ERCC6: variants seen among roughly 807,000 people sequenced by gnomAD.
ERCC6 encodes the protein ERCC excision repair 6, chromatin remodeling factor.
ERCC6 carries 116 observed loss-of-function variants against 158.7 expected under a neutral mutation model. The ratio of observed to expected loss-of-function variants is 0.73; its 90% CI spans 0.63 to 0.85. The LOEUF is 0.85. Ranked by LOEUF, ERCC6 falls within the 40% of genes least tolerant of loss-of-function variation. The probability of loss-of-function intolerance (pLI) is 0.00; values close to 1 mark genes in which losing one functional copy is unlikely to be tolerated. For missense variants in ERCC6, 1,698 were observed against 1,799.4 expected (o/e 0.94, Z 1.02); for synonymous variants, 678 against 659.3 (o/e 1.03, Z -0.43).
At chr10:49,475,507 C>T (rs1850861602) in intron 12 of ERCC6, 1 of 393,170 alleles carries the variant, frequency 2.5e-6, no homozygotes. Flanking sequence ...CTGTAGCAAC[C>T]AATAAGAAAT....
At chr10:49,444,314 C>T in the ERCC6 span, among the ~76,000 whole-genome samples, 85 of 152,268 alleles carry the variant, frequency 5.6e-4, no homozygotes, top group African/African-American at 1.9e-3. Context: ...CTCTCCACAG[C>T]GCTGGAGGCA....
chr10:49,499,672 C>T (rs1289817941), intron 7 of ERCC6, among the ~76,000 whole-genome samples: 1 of 152,138 alleles, frequency 6.6e-6, no homozygotes, highest in Non-Finnish European at 1.5e-5. Context: ...AATTTACCGA[C>T]CAATATTTTT....
At chr10:49,527,913 T>C (rs1296105078) in intron 4 of ERCC6, among the ~76,000 whole-genome samples, 2 of 152,148 alleles carry the variant, frequency 1.3e-5, no homozygotes, top group Non-Finnish European at 2.9e-5. Context: ...GCTTACGAAT[T>C]TTCCCAAAAA....
intron 7 of ERCC6, among the ~76,000 whole-genome samples, chr10:49,497,269 C>A (rs1010933133): frequency 2.6e-5 from 4 of 152,252 alleles, no homozygotes; most frequent in Non-Finnish European, 4.4e-5. Context: ...TTCTTTCTAT[C>A]CTCCAAGGGG....
chr10:49,483,849 T>G (rs1242774858), intron 8 of ERCC6, among the ~76,000 whole-genome samples: 1 of 151,808 alleles, frequency 6.6e-6, no homozygotes, highest in Non-Finnish European at 1.5e-5. Flanking sequence ...GGATGGAAAA[T>G]ATATTAATTT....
chr10:49,510,953 T>C (rs1851522649), intron 5 of ERCC6, among the ~76,000 whole-genome samples: 2 of 150,678 alleles, frequency 1.3e-5, no homozygotes, highest in South Asian at 4.2e-4. Context: ...TACAAAAAAA[T>C]GACCCATAAT....
chr10:49,469,374 C>CA (rs993235446), intron 18 of ERCC6, among the ~76,000 whole-genome samples: 29 of 146,396 alleles, frequency 2.0e-4, no homozygotes, highest in African/African-American at 4.8e-4. Context: ...GCATTCCTAC[C>CA]AAAAAAAAAA....
At chr10:49,506,051 T>C in intron 5 of ERCC6, 39 bp from the exon 6 acceptor site, 1 of 1,609,628 alleles carries the variant, frequency 6.2e-7, no homozygotes, top group South Asian at 1.1e-5. Flanking sequence ...ATTATTTTGA[T>C]CACAAGACAG....
intron 5 of ERCC6, among the ~76,000 whole-genome samples, chr10:49,522,196 C>T (rs913580372): frequency 2.6e-5 from 4 of 152,186 alleles, no homozygotes; most frequent in African/African-American, 9.7e-5. Context: ...AAAGGTCTTT[C>T]TGTTTCTCAA....
At chr10:49,462,770 G>C (rs906540288) in intron 18 of ERCC6, among the ~76,000 whole-genome samples, 3 of 152,274 alleles carry the variant, frequency 2.0e-5, no homozygotes, top group African/African-American at 7.2e-5. Flanking sequence ...TAAAACTTAA[G>C]ATATCCTTTC....
Position 49,470,195 on chromosome 10 carries a change from A to T in ERCC6, c.3765T>A (p.Leu1255=), listed in dbSNP as rs748229311. The T allele has an allele frequency of 8.7e-6, 14 of 1,614,154 alleles. No individual in the cohort carries two copies. Among genetic ancestry groups the T allele is most frequent in the Non-Finnish European group, 1.1e-5 (13 of 1,180,024 alleles). Residue 1255 remains leucine, a synonymous_variant, in exon 18 of 21, where the codon CTT becomes CTA. Coordinates refer to ENST00000355832, the MANE Select transcript of ERCC6 (RefSeq NM_000124.4). Reference sequence around the variant, plus strand: ...CAAATGGATTACCTGATTTTTTGAAAAGCTTTTCCAAAACATAATCGTCAT... The same window carrying T: ...CAAATGGATTACCTGATTTTTTGAATAGCTTTTCCAAAACATAATCGTCAT... ...QSNDDYVLEK[L]FKKSVGVHSV... is the part of the protein sequence containing the mutation.
At chr10:49,521,962 G>A (rs527389423) in intron 5 of ERCC6, among the ~76,000 whole-genome samples, 5 of 152,272 alleles carry the variant, frequency 3.3e-5, no homozygotes, top group Admixed American at 2.6e-4. Context: ...TAAAGAGGAT[G>A]AGATATCCAG....
chr10:49,506,115 G>T, intron 5 of ERCC6, 103 bp from the exon 6 acceptor site: 1 of 1,338,926 alleles, frequency 7.5e-7, no homozygotes, highest in Non-Finnish European at 1.1e-6. Flanking sequence ...AAATTAGAAC[G>T]GTCTCTTAGG....
At chr10:49,506,254 A>G (rs1258367754) in intron 5 of ERCC6, 5 of 536,260 alleles carry the variant, frequency 9.3e-6, no homozygotes, top group Non-Finnish European at 1.6e-5. Flanking sequence ...TTAAGGTCTC[A>G]TTTCATTATC....
chr10:49,482,285 T>C (rs1191564116), intron 10 of ERCC6, among the ~76,000 whole-genome samples: 5 of 152,170 alleles, frequency 3.3e-5, no homozygotes, highest in African/African-American at 1.2e-4. Context: ...GTTTCTCCAC[T>C]ACTTTATAAG....
chr10:49,524,994 G>T, intron 4 of ERCC6: 1 of 1,235,954 alleles, frequency 8.1e-7, no homozygotes, highest in Non-Finnish European at 1.1e-6. Context: ...CAACTTCTCA[G>T]TAACTTTTCC....
At chr10:49,451,507 C>CA (rs1049181681), downstream of ERCC6, among the ~76,000 whole-genome samples, 16 of 152,048 alleles carry the variant, frequency 1.1e-4, no homozygotes, top group African/African-American at 3.4e-4. Flanking sequence ...TGGATTTATT[C>CA]AAATGCAGCT....
chr10:49,476,494 C>G (rs994825349), intron 11 of ERCC6, among the ~76,000 whole-genome samples, 184 bp from the exon 12 acceptor site: 17 of 152,112 alleles, frequency 1.1e-4, no homozygotes, highest in Non-Finnish European at 2.4e-4. Context: ...TCACCAGCCC[C>G]TCCATCTCTG....
At position 49,515,674 on chromosome 10, in the gene ERCC6, T is replaced by G; in HGVS notation, c.1397+8359A>C. 3 of 1,614,158 alleles carry G rather than the reference T, an allele frequency of 1.9e-6. No homozygotes were observed. In the South Asian group the frequency reaches 3.3e-5, roughly 18 times the overall value. On this transcript the variant is annotated intron_variant, in intron 5 of 20. Transcript: ENST00000355832. ...AACAAAAGAGGGCTTGAATACCATT[T>G]CTTTCCACGGATTGATGCCCGATAC...
Sources: allele counts gnomAD v4.1 joint callset (sites outside exome capture counted in the v4.1 genomes callset), GRCh38; gene constraint gnomAD v4.1.1; transcripts MANE v1.5; gene names NCBI Gene and HGNC (gene_info 2026-07-23, HGNC 2026-07-21).